Variants in ADGRB3 observed in about 807,000 individuals in gnomAD.
The protein encoded by ADGRB3 is adhesion G protein-coupled receptor B3, also known as brain-specific angiogenesis inhibitor 3.
A neutral mutation model predicts 193.4 loss-of-function variants in ADGRB3; 37 were observed. The observed-to-expected ratio is 0.19, with a 90% CI of 0.15 to 0.25. The LOEUF (loss-of-function observed/expected upper bound fraction) is 0.25, where lower values mean the gene tolerates loss of function less well. Ranked by LOEUF, ADGRB3 falls within the 10% of genes least tolerant of loss-of-function variation. The pLI, the probability that ADGRB3 is intolerant of heterozygous loss-of-function variation, is 1.00. For synonymous variants in ADGRB3, 690 were observed against 644.2 expected (o/e 1.07, Z -1.08); for missense variants, 1,637 against 1,852.9 (o/e 0.88, Z 2.14).
chr6:69,086,348 TG>T (rs1365572375), intron 17 of ADGRB3, among the ~76,000 whole-genome samples: 1 of 152,108 alleles, frequency 6.6e-6, no homozygotes, highest in African/African-American at 2.4e-5. Context: ...GTTGTTCAGA[TG>T]TTTTTTGATA....
chr6:69,001,713 T>G (rs1256670148), intron 11 of ADGRB3, among the ~76,000 whole-genome samples: 1 of 152,110 alleles, frequency 6.6e-6, no homozygotes, highest in East Asian at 1.9e-4. Context: ...TGTCCACAGG[T>G]CCTCACAGTG....
chr6:69,287,321 A>G (rs989683680), intron 20 of ADGRB3, among the ~76,000 whole-genome samples: 6 of 152,170 alleles, frequency 3.9e-5, no homozygotes, highest in Non-Finnish European at 8.8e-5. Flanking sequence ...CAGTCTCCAG[A>G]GGAATTGAGA....
chr6:68,780,030 T>A (rs2127360667), intron 3 of ADGRB3, among the ~76,000 whole-genome samples: 1 of 152,200 alleles, frequency 6.6e-6, no homozygotes, highest in South Asian at 2.1e-4. Flanking sequence ...TTTGTTCCCA[T>A]CTAAAGAAAG....
At chr6:68,657,758 T>C (rs1300893864) in intron 3 of ADGRB3, among the ~76,000 whole-genome samples, 1 of 151,480 alleles carries the variant, frequency 6.6e-6, no homozygotes, top group Non-Finnish European at 1.5e-5. Context: ...GCAAAATTAA[T>C]AGGTGAATCT....
At chr6:69,357,614 A>C (rs965991125) in intron 28 of ADGRB3, among the ~76,000 whole-genome samples, 1 of 151,942 alleles carries the variant, frequency 6.6e-6, no homozygotes, top group Non-Finnish European at 1.5e-5. Context: ...ACCATTAAAC[A>C]TCTGTACAGA....
At chr6:69,158,401 G>A (rs1251594691) in intron 17 of ADGRB3, among the ~76,000 whole-genome samples, 1 of 146,056 alleles carries the variant, frequency 6.8e-6, no homozygotes, top group Non-Finnish European at 1.5e-5. Flanking sequence ...ATTACATTAA[G>A]TATTAATTTA....
At chr6:68,644,657 A>G (rs1768160244) in intron 3 of ADGRB3, among the ~76,000 whole-genome samples, 1 of 152,214 alleles carries the variant, frequency 6.6e-6, no homozygotes, top group Admixed American at 6.5e-5. Flanking sequence ...TATTAAAATT[A>G]TAGGCCCGGT....
chr6:69,033,833 A>G (rs553833525), intron 13 of ADGRB3, among the ~76,000 whole-genome samples: 1 of 152,220 alleles, frequency 6.6e-6, no homozygotes, highest in South Asian at 2.1e-4. Flanking sequence ...TGAAAGTTAA[A>G]CTGAATTGAG....
chr6:68,750,485 A>G (rs988742875), intron 3 of ADGRB3, among the ~76,000 whole-genome samples: 1 of 152,244 alleles, frequency 6.6e-6, no homozygotes, highest in African/African-American at 2.4e-5. Flanking sequence ...TTTGCATGTT[A>G]TCAAATGTAG....
At chr6:68,977,905 C>T (rs1368188500) in intron 10 of ADGRB3, among the ~76,000 whole-genome samples, 1 of 148,550 alleles carries the variant, frequency 6.7e-6, no homozygotes, top group Non-Finnish European at 1.5e-5. Context: ...GTTCCAAAAC[C>T]TAATCTCTTT....
chr6:68,913,360 G>A (rs1440424485), intron 3 of ADGRB3, among the ~76,000 whole-genome samples: 2 of 152,174 alleles, frequency 1.3e-5, no homozygotes, highest in Admixed American at 6.5e-5. Context: ...CCAGAGGAAC[G>A]ATAAGACAGC....
intron 8 of ADGRB3, 55 bp from the exon 9 acceptor site, chr6:68,974,708 T>A: frequency 6.7e-7 from 1 of 1,493,006 alleles, no homozygotes; most frequent in Non-Finnish European, 9.3e-7. Context: ...AATTGTTTAT[T>A]GCCAAAATTT....
At chr6:69,343,579 A>G (rs1478850279) in intron 26 of ADGRB3, among the ~76,000 whole-genome samples, 1 of 152,168 alleles carries the variant, frequency 6.6e-6, no homozygotes, top group African/African-American at 2.4e-5. Context: ...ATGTTTGCAT[A>G]ACTATTTGTT....
rs967669030 is a variant in ADGRB3, at chr6:68,730,162, A to G, written c.757+90730A>G. On this transcript the variant is annotated intron_variant, in intron 3 of 31. Transcript: ENST00000370598. ...ATCAGATGAATACTTAAATTCTTAT[A>G]TTTAGTTAAATGTACAGTAAATTAA... 3.3e-5 allele frequency among the ~76,000 whole-genome samples: 5 copies of G among 151,772 alleles called. No individual in the cohort carries two copies. In the East Asian group the frequency reaches 5.8e-4, roughly 18 times the overall value.
At chr6:68,971,078 C>A (rs1768553738) in intron 8 of ADGRB3, among the ~76,000 whole-genome samples, 1 of 152,160 alleles carries the variant, frequency 6.6e-6, no homozygotes, top group South Asian at 2.1e-4. Flanking sequence ...CCAGCCTAAA[C>A]CCAAGAAAGA....
At chr6:69,082,333 G>A (rs1772410776) in intron 17 of ADGRB3, among the ~76,000 whole-genome samples, 1 of 151,978 alleles carries the variant, frequency 6.6e-6, no homozygotes, top group Non-Finnish European at 1.5e-5. Flanking sequence ...GGCTAGAGAG[G>A]ATCAATATCT....
intron 17 of ADGRB3, among the ~76,000 whole-genome samples, chr6:69,206,820 T>G (rs571043531): frequency 6.6e-6 from 1 of 152,324 alleles, no homozygotes; most frequent in East Asian, 1.9e-4. Flanking sequence ...GTATTCCCTT[T>G]GCCTTTAGCA....
At chr6:68,846,044 A>T (rs1161163800) in intron 3 of ADGRB3, among the ~76,000 whole-genome samples, 6 of 152,208 alleles carry the variant, frequency 3.9e-5, no homozygotes, top group Non-Finnish European at 5.9e-5. Flanking sequence ...GCAGTCTCAG[A>T]TGGAGATGAA....
intron 17 of ADGRB3, among the ~76,000 whole-genome samples, chr6:69,143,410 A>G (rs314220): frequency 0.96 from 146,222 of 152,298 alleles, 70,496 homozygotes; most frequent in East Asian, 1. Flanking sequence ...GTACATGTTT[A>G]CTTTGGCTGC....
Sources: allele counts gnomAD v4.1 joint callset (sites outside exome capture counted in the v4.1 genomes callset), GRCh38; gene constraint gnomAD v4.1.1; transcripts MANE v1.5; gene names NCBI Gene and HGNC (gene_info 2026-07-23, HGNC 2026-07-21).